The following ABCC1 variants were observed in gnomAD, a reference collection of about 807,000 sequenced individuals.
The protein encoded by ABCC1 is ATP binding cassette subfamily C member 1 (ABCC1 blood group).
In ABCC1, 83 loss-of-function variants were observed where a neutral mutation model predicts 172.9. The ratio of observed to expected loss-of-function variants is 0.48; its 90% CI spans 0.40 to 0.58. The LOEUF (loss-of-function observed/expected upper bound fraction) is 0.58, where lower values mean the gene tolerates loss of function less well. Among genes scored for constraint, ABCC1 ranks in the 20% least tolerant of loss-of-function variants. The pLI, the probability that ABCC1 is intolerant of heterozygous loss-of-function variation, is 0.00. For missense variants in ABCC1, 1,817 were observed against 2,002.7 expected (o/e 0.91, Z 1.77); for synonymous variants, 937 against 825.2 (o/e 1.14, Z -2.32).
chr16:16,123,329 A>C (rs1228451148), intron 24 of ABCC1, among the ~76,000 whole-genome samples: 1 of 152,146 alleles, frequency 6.6e-6, no homozygotes, highest in Non-Finnish European at 1.5e-5. Context: ...TATCATACGA[A>C]GCCTAGCTTT....
At chr16:16,093,979 CTTTTTTTT>C (rs578261751) in intron 19 of ABCC1, among the ~76,000 whole-genome samples, 1 of 106,658 alleles carries the variant, frequency 9.4e-6, no homozygotes, top group African/African-American at 4.0e-5. Flanking sequence ...TCCCTCTCTC[CTTTTTTTT>C]TTTTTTTTTT....
chr16:15,957,580 G>T (rs2046026541), intron 1 of ABCC1, among the ~76,000 whole-genome samples: 2 of 152,042 alleles, frequency 1.3e-5, no homozygotes, highest in Admixed American at 6.6e-5. Flanking sequence ...TTATAGGAAT[G>T]ACTGTGATTT....
At chr16:16,084,608 C>T (rs993755151) in intron 17 of ABCC1, among the ~76,000 whole-genome samples, 2 of 146,830 alleles carry the variant, frequency 1.4e-5, no homozygotes, top group African/African-American at 5.1e-5. Context: ...AAGTGATCGG[C>T]TGGCCTCAGC....
At chr16:15,975,162 A>G (rs1329025142) in intron 1 of ABCC1, among the ~76,000 whole-genome samples, 4 of 152,170 alleles carry the variant, frequency 2.6e-5, no homozygotes, top group Admixed American at 2.6e-4. Context: ...CTGCTTTTAC[A>G]CATGGTTTAA....
At position 16,131,814 on chromosome 16, in the gene ABCC1, C is replaced by T; in HGVS notation, c.3845C>T (p.Ala1282Val). ...GCGCCCTGGCAAATCCAGGAGACAGCTCCGCCCAGCAGCTGGCCCCAGGTG... is the reference window on the plus strand; with the variant it reads ...GCGCCCTGGCAAATCCAGGAGACAGTTCCGCCCAGCAGCTGGCCCCAGGTG... Reference protein sequence around the residue: ...KEAPWQIQETAPPSSWPQVGR... With the variant: ...KEAPWQIQETVPPSSWPQVGR... Residue 1282 changes from alanine (A) to valine (V), a missense_variant, in exon 27 of 31, where the codon GCT becomes GTT. Physicochemically the swap from Ala to Val is moderately conservative, Grantham distance 64 (BLOSUM62 0). This residue lies in a region of ABCC1 where 1,412 missense variants were observed against 1,600.3 expected (regional missense o/e 0.88). Transcript: ENST00000399410. 6.2e-7 allele frequency: 1 copy of T among 1,614,058 alleles called. No individual in the cohort carries two copies. The highest frequency in any genetic ancestry group is 8.5e-7 in the Non-Finnish European group (1 of 1,179,976).
chr16:16,107,105 G>A (rs951094324), intron 21 of ABCC1, among the ~76,000 whole-genome samples: 1 of 152,092 alleles, frequency 6.6e-6, no homozygotes, highest in African/African-American at 2.4e-5. Flanking sequence ...CAACTCCAGG[G>A]TTAGTACTTG....
chr16:16,049,312 C>A (rs977458986), intron 10 of ABCC1, among the ~76,000 whole-genome samples: 1 of 152,280 alleles, frequency 6.6e-6, no homozygotes, highest in Non-Finnish European at 1.5e-5. Flanking sequence ...ACCCGTGAAC[C>A]AATCACTGTG....
chr16:16,037,531 G>A (rs1367765235), intron 7 of ABCC1, among the ~76,000 whole-genome samples: 2 of 152,178 alleles, frequency 1.3e-5, no homozygotes, highest in East Asian at 1.9e-4. Context: ...GACTTGTCTC[G>A]AGCCCGGACG....
At chr16:16,002,574 A>G (rs1035667231) in intron 1 of ABCC1, among the ~76,000 whole-genome samples, 1 of 152,132 alleles carries the variant, frequency 6.6e-6, no homozygotes, top group Non-Finnish European at 1.5e-5. Context: ...GGACTTTGAG[A>G]CCAGCCTGAG....
intron 1 of ABCC1, among the ~76,000 whole-genome samples, chr16:15,976,484 G>T (rs111272992): frequency 6.6e-6 from 1 of 152,142 alleles, no homozygotes; most frequent in Admixed American, 6.5e-5. Context: ...GACAGGACTA[G>T]ACTGAAACCC....
intron 2 of ABCC1, 109 bp downstream of exon 2, chr16:16,008,101 C>T (rs548225468): frequency 1.8e-6 from 2 of 1,130,682 alleles, no homozygotes; most frequent in Admixed American, 5.0e-5. Context: ...CCCTAAGTTC[C>T]TTCTTCTAGA....
intron 13 of ABCC1, among the ~76,000 whole-genome samples, chr16:16,068,856 G>T (rs1256470841): frequency 2.0e-5 from 3 of 151,774 alleles, no homozygotes; most frequent in Admixed American, 6.6e-5. Flanking sequence ...GTGTGGTGGC[G>T]GGTCCCTGTA....
intron 27 of ABCC1, among the ~76,000 whole-genome samples, chr16:16,132,834 G>A (rs2045758546): frequency 1.3e-5 from 2 of 152,040 alleles, no homozygotes. Context: ...GAAGAAATTT[G>A]AATAAGTTGC....
In ABCC1 at chr16:16,121,968, A is replaced by G; in HGVS notation, c.3391-7A>G. The G allele has an allele frequency of 6.2e-7, 1 of 1,613,982 alleles. No homozygotes were observed. Among genetic ancestry groups the G allele is most frequent in the Non-Finnish European group, 8.5e-7 (1 of 1,179,988 alleles). On this transcript the variant is annotated splice_polypyrimidine_tract_variant and splice_region_variant and intron_variant, in intron 23 of 30. Coordinates refer to ENST00000399410, the MANE Select transcript of ABCC1 (RefSeq NM_004996.4). ...CATCAACTCCCCGCGTCTGTTCTCT[A>G]CCCCAGAGGTTCTACGTGGCTTCCT...
intron 16 of ABCC1, 116 bp downstream of exon 16, chr16:16,079,594 C>G: frequency 7.8e-7 from 1 of 1,278,684 alleles, no homozygotes; most frequent in Non-Finnish European, 1.1e-6. Context: ...GCAGCAACGT[C>G]TCTTTTCCTC....
intron 5 of ABCC1, among the ~76,000 whole-genome samples, chr16:16,022,886 A>G (rs1226127243): frequency 6.6e-6 from 1 of 151,872 alleles, no homozygotes; most frequent in Non-Finnish European, 1.5e-5. Flanking sequence ...CCAGATAGCT[A>G]ATCAGCCAGC....
chr16:16,046,172 CAG>C (rs2049200445), intron 9 of ABCC1, among the ~76,000 whole-genome samples, 159 bp downstream of exon 9: 1 of 152,160 alleles, frequency 6.6e-6, no homozygotes, highest in South Asian at 2.1e-4. Flanking sequence ...CAGCACGCAT[CAG>C]GCATTGTACG....
intron 29 of ABCC1, among the ~76,000 whole-genome samples, chr16:16,137,633 A>C (rs1267453674): frequency 7.4e-6 from 1 of 135,056 alleles, no homozygotes; most frequent in Non-Finnish European, 1.5e-5. Flanking sequence ...TCTCATCTGC[A>C]ACCTCCGCCC....
At chr16:15,969,308 A>G (rs1038970213) in intron 1 of ABCC1, among the ~76,000 whole-genome samples, 7 of 151,602 alleles carry the variant, frequency 4.6e-5, no homozygotes, top group Non-Finnish European at 1.0e-4. Flanking sequence ...TGCAGATGAA[A>G]TGTAACATGG....
Sources: gnomAD v4.1 joint callset for allele counts (sites outside exome capture counted in the v4.1 genomes callset) on GRCh38, gnomAD v4.1.1 for gene constraint, gnomAD v4.1.1 regional missense constraint, MANE v1.5 for transcripts, NCBI Gene and HGNC (gene_info 2026-07-23, HGNC 2026-07-21) for gene names.